Variants in TTC39C observed in about 807,000 individuals in gnomAD.
The protein encoded by TTC39C is tetratricopeptide repeat domain 39C, also known as tetratricopeptide repeat protein 39C.
In TTC39C, 33 loss-of-function variants were observed where a neutral mutation model predicts 76.3. The ratio of observed to expected loss-of-function variants is 0.43; its 90% confidence interval spans 0.33 to 0.58. The LOEUF is 0.58. Among genes scored for constraint, TTC39C ranks in the 20% least tolerant of loss-of-function variants. TTC39C has a pLI of 0.04. For synonymous variants in TTC39C, 254 were observed against 260.6 expected (o/e 0.97, Z 0.24); for missense variants, 595 against 701.4 (o/e 0.85, Z 1.71).
At chr18:24,098,938 T>C (rs1472867106) in intron 6 of TTC39C, among the ~76,000 whole-genome samples, 1 of 151,868 alleles carries the variant, frequency 6.6e-6, no homozygotes, top group African/African-American at 2.4e-5. Context: ...AGCCCAGGCT[T>C]TCTTTTTTTA....
At chr18:24,115,434 A>G (rs1319001365) in intron 7 of TTC39C, among the ~76,000 whole-genome samples, 1 of 152,262 alleles carries the variant, frequency 6.6e-6, no homozygotes, top group East Asian at 1.9e-4. Context: ...TAAGGGACTC[A>G]GACTTTTCAG....
chr18:24,080,154 G>T (rs1359189819), intron 4 of TTC39C, among the ~76,000 whole-genome samples: 1 of 152,126 alleles, frequency 6.6e-6, no homozygotes, highest in African/African-American at 2.4e-5. Context: ...TTGCTTTTGA[G>T]GAGGAATGTA....
At chr18:24,031,852 A>C (rs778975052) in intron 1 of TTC39C, among the ~76,000 whole-genome samples, 2 of 152,236 alleles carry the variant, frequency 1.3e-5, no homozygotes, top group Non-Finnish European at 2.9e-5. Flanking sequence ...TTGTAAGGAA[A>C]AGAATAAAAG....
intron 6 of TTC39C, among the ~76,000 whole-genome samples, chr18:24,109,983 C>A (rs767331896): frequency 5.9e-5 from 9 of 152,036 alleles, no homozygotes; most frequent in Non-Finnish European, 1.2e-4. Context: ...TGCACTCAAG[C>A]CTGCACAACA....
intron 5 of TTC39C, 72 bp from the exon 6 acceptor site, chr18:24,082,841 C>G (rs1458637097): frequency 1.4e-6 from 2 of 1,469,434 alleles, no homozygotes; most frequent in Admixed American, 2.1e-5. Flanking sequence ...AGAACACATA[C>G]TGGAGTTTTG....
chr18:24,120,424 G>A (rs1230319287), intron 8 of TTC39C, among the ~76,000 whole-genome samples: 2 of 152,202 alleles, frequency 1.3e-5, no homozygotes, highest in African/African-American at 4.8e-5. Context: ...TGGGCTGGCC[G>A]TGAGCTAGAG....
intron 10 of TTC39C, among the ~76,000 whole-genome samples, chr18:24,126,762 C>T (rs2085056732): frequency 1.3e-5 from 2 of 151,988 alleles, no homozygotes; most frequent in Admixed American, 6.6e-5. Flanking sequence ...GTCCTTTCAC[C>T]TCAGTCTCCT....
At chr18:24,034,260 G>A (rs1027755551) in intron 1 of TTC39C, among the ~76,000 whole-genome samples, 1 of 152,178 alleles carries the variant, frequency 6.6e-6, no homozygotes, top group African/African-American at 2.4e-5. Flanking sequence ...TTCAAAGTAC[G>A]ACAGAGATGC....
At chr18:24,008,828 A>T (rs975932118) in intron 1 of TTC39C, among the ~76,000 whole-genome samples, 1 of 152,266 alleles carries the variant, frequency 6.6e-6, no homozygotes, top group South Asian at 2.1e-4. Flanking sequence ...GATGACATAA[A>T]GAAAATGTGG....
chr18:24,065,976 A>AATTC (rs750359133), intron 2 of TTC39C, 36 bp from the exon 3 acceptor site: 23 of 1,511,846 alleles, frequency 1.5e-5, no homozygotes, highest in African/African-American at 2.9e-5. Context: ...TTCAGATACT[A>AATTC]ATTCATTCAT....
intron 6 of TTC39C, among the ~76,000 whole-genome samples, chr18:24,093,757 T>C (rs2084556996): frequency 6.6e-6 from 1 of 152,212 alleles, no homozygotes; most frequent in Non-Finnish European, 1.5e-5. Flanking sequence ...GCATTATGTC[T>C]AAAAATACAA....
At chr18:24,083,386 C>A (rs1284591143) in intron 6 of TTC39C, among the ~76,000 whole-genome samples, 1 of 152,148 alleles carries the variant, frequency 6.6e-6, no homozygotes, top group Non-Finnish European at 1.5e-5. Flanking sequence ...TTGAAAAATA[C>A]AAAATACAAT....
chr18:24,014,173 G>C (rs964553016), upstream of TTC39C, among the ~76,000 whole-genome samples: 4 of 152,216 alleles, frequency 2.6e-5, no homozygotes, highest in Admixed American at 2.0e-4. Context: ...TGGTCCTAGG[G>C]GGCGGCCCCA....
chr18:24,108,020 G>A (rs1227496425), intron 6 of TTC39C, among the ~76,000 whole-genome samples: 3 of 152,150 alleles, frequency 2.0e-5, no homozygotes, highest in Non-Finnish European at 4.4e-5. Flanking sequence ...TCTTAAAATA[G>A]AATGTGCTTA....
At chr18:24,053,203 A>G (rs1162777314) in intron 1 of TTC39C, among the ~76,000 whole-genome samples, 1 of 152,164 alleles carries the variant, frequency 6.6e-6, no homozygotes, top group Non-Finnish European at 1.5e-5. Context: ...ACCATTTCCC[A>G]TTTTATTTTC....
At chr18:24,086,922 T>C (rs2084446735) in intron 6 of TTC39C, among the ~76,000 whole-genome samples, 1 of 152,142 alleles carries the variant, frequency 6.6e-6, no homozygotes, top group Admixed American at 6.5e-5. Context: ...TGTTTTGTTT[T>C]TTTTTTTCTT....
At chr18:24,009,630 G>A (rs1279132396) in intron 1 of TTC39C, among the ~76,000 whole-genome samples, 1 of 152,220 alleles carries the variant, frequency 6.6e-6, no homozygotes, top group African/African-American at 2.4e-5. Context: ...CAGAAGACCT[G>A]CAGTCACACT....
rs751306319 is a variant in TTC39C at position 24,134,465 on chromosome 18, T to A, written c.*1891T>A. The A allele has an allele frequency of 1.3e-5, 2 of 151,930 alleles. No individual in the cohort carries two copies. Among genetic ancestry groups the A allele is most frequent in the African/African-American group, 4.8e-5 (2 of 41,410 alleles). 9.4% of individuals were successfully genotyped at this position (151,930 alleles called of 1,614,324 possible). Reference sequence around the variant, plus strand: ...ATTTTTTTTGTATTTTTAGTAGAGATGGGGTTTCACCATGTTAGCCAGGAT... The same window carrying A: ...ATTTTTTTTGTATTTTTAGTAGAGAAGGGGTTTCACCATGTTAGCCAGGAT... On this transcript the variant is annotated 3_prime_UTR_variant, in exon 14 of 14. Coordinates refer to ENST00000317571, the MANE Select transcript of TTC39C (RefSeq NM_001135993.2).
intron 1 of TTC39C, among the ~76,000 whole-genome samples, chr18:24,058,451 T>C (rs1179374487): frequency 6.6e-6 from 1 of 152,180 alleles, no homozygotes; most frequent in Non-Finnish European, 1.5e-5. Flanking sequence ...AGTCTGGCGT[T>C]TGAGACCAGC....
Sources: allele counts gnomAD v4.1 joint callset (sites outside exome capture counted in the v4.1 genomes callset), GRCh38; gene constraint gnomAD v4.1.1; transcripts MANE v1.5; gene names NCBI Gene and HGNC (gene_info 2026-07-23, HGNC 2026-07-21).